The following MAN2A1 variants were observed in gnomAD, a reference collection of about 807,000 sequenced individuals.
The protein encoded by MAN2A1 is alpha-mannosidase 2.
A neutral mutation model predicts 142.6 loss-of-function variants in MAN2A1; 76 were observed. The observed-to-expected ratio is 0.53, with a 90% CI of 0.44 to 0.65. MAN2A1 has a LOEUF of 0.65. Ranked by LOEUF, MAN2A1 falls within the 30% of genes least tolerant of loss-of-function variation. MAN2A1 has a pLI of 0.00. For missense variants in MAN2A1, 1,311 were observed against 1,365.1 expected (o/e 0.96, Z 0.62); for synonymous variants, 559 against 473.2 (o/e 1.18, Z -2.35).
chr5:109,732,806 A>G (rs1046950036), intron 4 of MAN2A1, among the ~76,000 whole-genome samples: 2 of 151,922 alleles, frequency 1.3e-5, no homozygotes, highest in Non-Finnish European at 2.9e-5. Context: ...TGATGCCTCC[A>G]GCTTTGTTCT....
chr5:109,781,686 C>T, intron 9 of MAN2A1, 88 bp downstream of exon 9: 1 of 818,980 alleles, frequency 1.2e-6, no homozygotes, highest in Non-Finnish European at 1.8e-6. Flanking sequence ...ATACATCATT[C>T]ATGTAGTACA....
At chr5:109,866,421 T>C (rs931622429) in intron 21 of MAN2A1, among the ~76,000 whole-genome samples, 13 of 152,166 alleles carry the variant, frequency 8.5e-5, no homozygotes, top group African/African-American at 3.1e-4. Flanking sequence ...GGTTGAGGAC[T>C]ACCATTGTTA....
At chr5:109,849,270 A>G (rs1191333232) in intron 19 of MAN2A1, among the ~76,000 whole-genome samples, 1 of 152,210 alleles carries the variant, frequency 6.6e-6, no homozygotes, top group African/African-American at 2.4e-5. Flanking sequence ...CCACACAGGT[A>G]GAAGCCACTA....
rs761157232 is a variant in MAN2A1, at chr5:109,820,201, TA to T, written c.2329-18del. 4.3e-5 allele frequency: 68 copies of T among 1,587,336 alleles called. No individual in the cohort carries two copies. Among genetic ancestry groups the T allele is most frequent in the Non-Finnish European group, 4.7e-5 (55 of 1,162,464 alleles). ...ATCTTAGTGGTGAGTTGCTTATTAT[TA>T]TTTTTTTTAATCTTTAGCAAATGAT... On this transcript the variant is annotated intron_variant, in intron 14 of 21. Transcript: ENST00000261483.
intron 4 of MAN2A1, among the ~76,000 whole-genome samples, chr5:109,748,401 C>CTTTTTTTTTTTTTTT (rs11343270): frequency 1.5e-5 from 2 of 133,820 alleles, no homozygotes; most frequent in Non-Finnish European, 3.3e-5. Flanking sequence ...TATCTTTTGC[C>CTTTTTTTTTTTTTTT]TTTTTTTTTT....
intron 18 of MAN2A1, among the ~76,000 whole-genome samples, chr5:109,846,243 T>A (rs1349662905): frequency 6.6e-6 from 1 of 152,222 alleles, no homozygotes; most frequent in Non-Finnish European, 1.5e-5. Context: ...ATGTCAAGAT[T>A]TCTTTTTAAA....
intron 1 of MAN2A1, among the ~76,000 whole-genome samples, chr5:109,706,306 A>G (rs568228226): frequency 7.4e-4 from 113 of 152,314 alleles, no homozygotes; most frequent in African/African-American, 2.4e-3. Flanking sequence ...GACACATACT[A>G]TCTGGAGGTG....
intron 16 of MAN2A1, among the ~76,000 whole-genome samples, chr5:109,830,222 T>C (rs1004839961): frequency 6.6e-6 from 1 of 152,166 alleles, no homozygotes; most frequent in African/African-American, 2.4e-5. Context: ...ACCCCTCTTA[T>C]AAGGGAATCA....
At chr5:109,715,367 GTTGT>G (rs1243877448) in intron 2 of MAN2A1, among the ~76,000 whole-genome samples, 1 of 148,256 alleles carries the variant, frequency 6.7e-6, no homozygotes, top group African/African-American at 2.4e-5. Flanking sequence ...TTTACAAAAG[GTTGT>G]TTGGTTGTGT....
intron 4 of MAN2A1, among the ~76,000 whole-genome samples, chr5:109,740,178 CTCCTTAGT>C: frequency 6.6e-6 from 1 of 152,260 alleles, no homozygotes; most frequent in East Asian, 1.9e-4. Flanking sequence ...CTTACAACGT[CTCCTTAGT>C]TCCTCTGTTG....
intron 4 of MAN2A1, among the ~76,000 whole-genome samples, chr5:109,741,019 C>T (rs6878693): frequency 0.11 from 16,138 of 152,128 alleles, 1,202 homozygotes; most frequent in African/African-American, 0.22. Context: ...CAATATTACA[C>T]ATAAAATATG....
chr5:109,790,921 T>C (rs1212942696), intron 12 of MAN2A1, among the ~76,000 whole-genome samples: 1 of 152,112 alleles, frequency 6.6e-6, no homozygotes, highest in Non-Finnish European at 1.5e-5. Context: ...GTTTATCTCC[T>C]TCCTTCACTG....
At chr5:109,843,498 C>T (rs1755266932) in intron 17 of MAN2A1, among the ~76,000 whole-genome samples, 1 of 152,082 alleles carries the variant, frequency 6.6e-6, no homozygotes, top group South Asian at 2.1e-4. Flanking sequence ...TTGATCCATA[C>T]CTATTAAGTT....
chr5:109,810,326 A>G (rs1754282851), intron 12 of MAN2A1, among the ~76,000 whole-genome samples: 2 of 152,184 alleles, frequency 1.3e-5, no homozygotes, highest in African/African-American at 2.4e-5. Context: ...TCTTCTAGAT[A>G]GATGTTCCAA....
intron 12 of MAN2A1, among the ~76,000 whole-genome samples, chr5:109,812,282 T>G (rs578066724): frequency 3.2e-4 from 48 of 152,248 alleles, no homozygotes; most frequent in East Asian, 1.2e-3. Context: ...GATTTGAGTT[T>G]GAATGTGTCT....
chr5:109,785,620 G>T (rs944962409), intron 10 of MAN2A1, among the ~76,000 whole-genome samples: 2 of 151,994 alleles, frequency 1.3e-5, no homozygotes, highest in African/African-American at 4.8e-5. Context: ...GGCAAACAGA[G>T]CTTCCTAATA....
At chr5:109,802,709 G>C (rs1041171272) in intron 12 of MAN2A1, among the ~76,000 whole-genome samples, 2 of 151,920 alleles carry the variant, frequency 1.3e-5, no homozygotes, top group Non-Finnish European at 2.9e-5. Context: ...TCACCCTTTT[G>C]TACCACATTC....
intron 16 of MAN2A1, among the ~76,000 whole-genome samples, chr5:109,824,562 C>T (rs2112732244): frequency 6.6e-6 from 1 of 152,228 alleles, no homozygotes; most frequent in East Asian, 1.9e-4. Context: ...ACCATATTAT[C>T]AACACTCTTA....
intron 19 of MAN2A1, among the ~76,000 whole-genome samples, chr5:109,852,247 T>C (rs1052446252): frequency 2.6e-5 from 4 of 152,158 alleles, no homozygotes; most frequent in Non-Finnish European, 4.4e-5. Flanking sequence ...CCAAATGTTA[T>C]GATTCAATGT....
Sources: allele counts gnomAD v4.1 joint callset (sites outside exome capture counted in the v4.1 genomes callset), GRCh38; gene constraint gnomAD v4.1.1; transcripts MANE v1.5; gene names NCBI Gene and HGNC (gene_info 2026-07-23, HGNC 2026-07-21).